PLS1: variants seen among roughly 807,000 people sequenced by gnomAD.
PLS1 encodes the protein plastin-1.
PLS1 carries 32 observed loss-of-function variants against 73.7 expected under a neutral mutation model. The observed-to-expected ratio is 0.43, with a 90% CI of 0.33 to 0.58. The LOEUF is 0.58. Among genes scored for constraint, PLS1 ranks in the 20% least tolerant of loss-of-function variants. The pLI, the probability that PLS1 is intolerant of heterozygous loss-of-function variation, is 0.04. For synonymous variants in PLS1, 217 were observed against 261.3 expected (o/e 0.83, Z 1.63); for missense variants, 633 against 740.5 (o/e 0.85, Z 1.68).
chr3:142,704,626 T>C, intron 14 of PLS1, 40 bp downstream of exon 14: 1 of 947,152 alleles, frequency 1.1e-6, no homozygotes. Context: ...TTTGTAGGTA[T>C]AGGAAGGAAT....
chr3:142,688,539 C>T (rs7632547), intron 9 of PLS1, among the ~76,000 whole-genome samples: 5,892 of 152,252 alleles, frequency 0.039, 387 homozygotes, highest in African/African-American at 0.13. Context: ...TCTTCCCTAT[C>T]CCACCTCGGT....
intron 1 of PLS1, among the ~76,000 whole-genome samples, chr3:142,610,651 TC>T (rs2036105226): frequency 6.6e-6 from 1 of 152,192 alleles, no homozygotes; most frequent in Non-Finnish European, 1.5e-5. Context: ...ATGTCCCCTT[TC>T]CCTACTCTCT....
At chr3:142,692,475 G>A (rs1290741627) in intron 10 of PLS1, among the ~76,000 whole-genome samples, 1 of 151,980 alleles carries the variant, frequency 6.6e-6, no homozygotes, top group Non-Finnish European at 1.5e-5. Context: ...CATGGCTGTT[G>A]CACAAATGCA....
At chr3:142,702,027 A>T (rs1465213869) in intron 12 of PLS1, among the ~76,000 whole-genome samples, 1 of 152,234 alleles carries the variant, frequency 6.6e-6, no homozygotes, top group Non-Finnish European at 1.5e-5. Context: ...GTTTTGGAAT[A>T]TTATCTCTGC....
chr3:142,713,627 A>C lies in PLS1; in HGVS notation c.*1620A>C, dbSNP rs1242111784. The C allele has an allele frequency of 2.0e-5, 3 of 152,472 alleles. No homozygotes were observed. The highest frequency in any genetic ancestry group is 4.8e-5 in the African/African-American group (2 of 41,476). 9.4% of individuals were successfully genotyped at this position (152,472 alleles called of 1,614,324 possible). A position where few individuals can be genotyped will look rare whatever the true frequency, so the allele number is the denominator to read the frequency against. Reference sequence around the variant, plus strand: ...GGCACTTTAGGGTGTTCTTTTTCTCACAGAGTATATTTAATAAAAATGCTG... The same window carrying C: ...GGCACTTTAGGGTGTTCTTTTTCTCCCAGAGTATATTTAATAAAAATGCTG... On this transcript the variant is annotated 3_prime_UTR_variant, in exon 16 of 16. Transcript: ENST00000457734.
intron 5 of PLS1, 123 bp downstream of exon 5, chr3:142,676,412 A>C (rs564592364): frequency 1.1e-6 from 1 of 874,856 alleles, no homozygotes; most frequent in South Asian, 1.9e-5. Context: ...GGTCATGAGG[A>C]ATTTATATTG....
At chr3:142,642,906 G>C (rs906638228) in intron 1 of PLS1, among the ~76,000 whole-genome samples, 2 of 152,092 alleles carry the variant, frequency 1.3e-5, no homozygotes. Context: ...GCCCAGGCTG[G>C]TCTTGAACTC....
At chr3:142,645,683 A>G (rs1271924257) in intron 1 of PLS1, 1 of 152,168 alleles carries the variant, frequency 6.6e-6, no homozygotes, top group African/African-American at 2.4e-5. Context: ...TGAATGAGAT[A>G]TTTGTCATTA....
At chr3:142,620,535 A>T (rs1393464500) in intron 1 of PLS1, among the ~76,000 whole-genome samples, 4 of 152,250 alleles carry the variant, frequency 2.6e-5, no homozygotes, top group Non-Finnish European at 5.9e-5. Context: ...AGATTTTTTT[A>T]AAAACGTGAC....
chr3:142,686,456 T>C (rs894349822), intron 9 of PLS1, 80 bp downstream of exon 9: 46 of 841,608 alleles, frequency 5.5e-5, no homozygotes, highest in African/African-American at 5.2e-4. Context: ...ATTTTCAGTG[T>C]TCAGTTCAGT....
chr3:142,645,187 C>T (rs2036927162), intron 1 of PLS1: 1 of 152,112 alleles, frequency 6.6e-6, no homozygotes, highest in Non-Finnish European at 1.5e-5. Flanking sequence ...TTTTTCAGTA[C>T]CTTTTCAAAT....
chr3:142,671,509 G>T (rs1041701902), intron 4 of PLS1, among the ~76,000 whole-genome samples: 2 of 152,088 alleles, frequency 1.3e-5, no homozygotes, highest in African/African-American at 4.8e-5. Flanking sequence ...AGCTAGGAAT[G>T]GGGGAGAGGC....
At chr3:142,673,048 C>T (rs1255831987) in intron 4 of PLS1, among the ~76,000 whole-genome samples, 1 of 152,152 alleles carries the variant, frequency 6.6e-6, no homozygotes, top group African/African-American at 2.4e-5. Flanking sequence ...CAGGCTTCTT[C>T]ACTGGTGTAA....
At chr3:142,701,371 C>G (rs11929069) in intron 12 of PLS1, among the ~76,000 whole-genome samples, 27,581 of 152,152 alleles carry the variant, frequency 0.18, 2,779 homozygotes, top group Middle Eastern at 0.27. Context: ...ACTGGTTGAG[C>G]ATCCTTAAGC....
intron 9 of PLS1, among the ~76,000 whole-genome samples, chr3:142,689,218 G>T (rs1208222339): frequency 6.6e-6 from 1 of 152,068 alleles, no homozygotes; most frequent in Admixed American, 6.6e-5. Flanking sequence ...CGGATCAGGA[G>T]TTCGAAACCA....
At chr3:142,619,419 A>G (rs1252963040) in intron 1 of PLS1, 2 of 152,168 alleles carry the variant, frequency 1.3e-5, no homozygotes, top group Admixed American at 1.3e-4. Flanking sequence ...TATGATACAT[A>G]TTTATGACAA....
chr3:142,611,711 G>T (rs376669130), intron 1 of PLS1, among the ~76,000 whole-genome samples: 2 of 151,928 alleles, frequency 1.3e-5, no homozygotes, highest in South Asian at 4.2e-4. Context: ...ATACATAAGC[G>T]CACACACATA....
At chr3:142,677,996 G>T (rs2037758243) in intron 5 of PLS1, 36 bp from the exon 6 acceptor site, 2 of 996,286 alleles carry the variant, frequency 2.0e-6, no homozygotes, top group Non-Finnish European at 1.5e-6. Flanking sequence ...AAATTTCTTG[G>T]AGTATTAAAC....
chr3:142,645,793 T>A (rs2036941256), intron 1 of PLS1, among the ~76,000 whole-genome samples: 1 of 152,180 alleles, frequency 6.6e-6, no homozygotes, highest in Admixed American at 6.5e-5. Flanking sequence ...AGGAAAAAAA[T>A]ATGATTTAAA....
Sources: allele counts gnomAD v4.1 joint callset (sites outside exome capture counted in the v4.1 genomes callset), GRCh38; gene constraint gnomAD v4.1.1; transcripts MANE v1.5; gene names NCBI Gene and HGNC (gene_info 2026-07-23, HGNC 2026-07-21).